Variants in MPDU1 observed in about 807,000 individuals in gnomAD.
The protein encoded by MPDU1 is mannose-P-dolichol utilization defect 1 protein.
Under a neutral mutation model 27.6 loss-of-function variants are expected in MPDU1, and 18 were observed. The observed-to-expected ratio is 0.65, with a 90% CI of 0.45 to 0.97. The LOEUF is 0.97. Ranked by LOEUF, MPDU1 falls within the 50% of genes least tolerant of loss-of-function variation. MPDU1 has a pLI of 0.00. For synonymous variants in MPDU1, 142 were observed against 131.1 expected, an observed-to-expected ratio of 1.08 and a Z score of -0.57; for missense variants, 279 against 297.4, an observed-to-expected ratio of 0.94 and a Z score of 0.46.
chr17:7,586,439 TAAA>T (rs59882896), intron 3 of MPDU1: 945 of 487,358 alleles, frequency 1.9e-3, no homozygotes, highest in Middle Eastern at 3.9e-3. Flanking sequence ...AACTCAGTCT[TAAA>T]AAAAAAAAAA....
At position 7,586,793 on chromosome 17, in the gene MPDU1, C is replaced by G. The variant is rs1042913255; in HGVS notation, c.388+16C>G. The stretch of plus-strand genomic sequence containing the variant: ...ACTGTGAAAGGTGCTGGGGACTTAC[C>G]CAAGAGCAGGCTGTGTGGTTCCTGG... On this transcript the variant is annotated intron_variant, in intron 4 of 6. Coordinates refer to ENST00000250124, the MANE Select transcript of MPDU1 (RefSeq NM_004870.4). 6.2e-7 allele frequency: 1 copy of G among 1,613,552 alleles called. No individual in the cohort carries two copies. The highest frequency in any genetic ancestry group is 1.3e-5 in the African/African-American group (1 of 74,968).
chr17:7,587,038 A>G, intron 5 of MPDU1, 21 bp downstream of exon 5: 1 of 1,468,228 alleles, frequency 6.8e-7, no homozygotes, highest in Non-Finnish European at 9.2e-7. Flanking sequence ...GGAGCAAGGG[A>G]CAAGATGTTG....
Position 7,583,887 on chromosome 17 carries a change from C to T in MPDU1, c.25C>T (p.Leu9Phe). 6.2e-7 allele frequency: 1 copy of T among 1,614,182 alleles called. No homozygotes were observed. The highest frequency in any genetic ancestry group is 1.3e-5 in the African/African-American group (1 of 75,072). Reference sequence around the variant, plus strand: ...TATGGCGGCCGAGGCGGACGGACCGCTTAAACGGCTGCTCGTGCCGATTCT... The same window carrying T: ...TATGGCGGCCGAGGCGGACGGACCGTTTAAACGGCTGCTCGTGCCGATTCT... Reference protein sequence around the residue: MAAEADGPLKRLLVPILLP... With the variant: MAAEADGPFKRLLVPILLP... Residue 9 changes from leucine (L) to phenylalanine (F), a missense_variant, in exon 1 of 7, where the codon CTT becomes TTT. By Grantham distance (22) the Leu-to-Phe change is conservative. Coordinates refer to ENST00000250124, the MANE Select transcript of MPDU1 (RefSeq NM_004870.4).
intron 1 of MPDU1, 133 bp from the exon 2 acceptor site, chr17:7,585,599 C>T (rs538666961): frequency 6.9e-5 from 56 of 811,722 alleles, no homozygotes; most frequent in South Asian, 8.8e-5. Flanking sequence ...CACTGCCCTC[C>T]GCCTCTCCTC....
At chr17:7,583,689 A>G, upstream of MPDU1, 2 of 790,754 alleles carry the variant, frequency 2.5e-6, no homozygotes, top group Non-Finnish European at 4.4e-6. Context: ...GTGGTCCCTG[A>G]CTGAGACTTA....
intron 3 of MPDU1, 43 bp from the exon 4 acceptor site, chr17:7,586,649 T>C (rs756433922): frequency 1.6e-5 from 26 of 1,582,826 alleles, no homozygotes; most frequent in Non-Finnish European, 2.2e-5. Flanking sequence ...TCCCTGCCTC[T>C]TTCTAGGCCC....
intron 1 of MPDU1, chr17:7,584,305 C>T (rs1050360124): frequency 5.5e-6 from 3 of 544,722 alleles, no homozygotes; most frequent in Non-Finnish European, 9.8e-6. Flanking sequence ...ATTCAAAGCC[C>T]CTGATGAATC....
chr17:7,584,076 G>A, intron 1 of MPDU1, 111 bp downstream of exon 1: 1 of 1,094,636 alleles, frequency 9.1e-7, no homozygotes, highest in Non-Finnish European at 1.4e-6. Context: ...ATGCCGAGCT[G>A]GACGGAAGTC....
At chr17:7,585,588 T>G in intron 1 of MPDU1, 144 bp from the exon 2 acceptor site, 1 of 725,866 alleles carries the variant, frequency 1.4e-6, no homozygotes, top group South Asian at 1.6e-5. Context: ...CAGGACTTTC[T>G]CACTGCCCTC....
At chr17:7,586,869 T>C (rs761492955) in intron 4 of MPDU1, 30 bp from the exon 5 acceptor site, 2 of 1,611,856 alleles carry the variant, frequency 1.2e-6, no homozygotes, top group Non-Finnish European at 1.7e-6. Flanking sequence ...GTGGAGAGAT[T>C]GACAAGGACT....
Position 7,586,961 on chromosome 17 carries a change from T to C in MPDU1, c.451T>C (p.Leu151=), listed in dbSNP as rs1240239877. 2 of 1,613,570 alleles carry C rather than the reference T, an allele frequency of 1.2e-6. No homozygotes were observed. The highest frequency in any genetic ancestry group is 2.7e-5 in the African/African-American group (2 of 74,702). ...GGTGCTTCTCTCACCTCTGACGCCC[T>C]TGACTGTAGTCACCCTGCTCCAGGC... The part of the protein sequence containing the change: ...LLVLLSPLTP[L]TVVTLLQASN... Residue 151 remains leucine (L), a synonymous_variant, in exon 5 of 7, where the codon TTG becomes CTG. Transcript: ENST00000250124.
intron 1 of MPDU1, among the ~76,000 whole-genome samples, chr17:7,585,463 A>C (rs1457049561): frequency 6.6e-6 from 1 of 151,594 alleles, no homozygotes; most frequent in African/African-American, 2.4e-5. Context: ...CTTGAACCCA[A>C]GAGGCAGAGG....
intron 6 of MPDU1, 21 bp downstream of exon 6, chr17:7,587,292 C>T: frequency 6.2e-7 from 1 of 1,612,992 alleles, no homozygotes; most frequent in Non-Finnish European, 8.5e-7. Flanking sequence ...CATCTTCCTT[C>T]TAGAAGGCAC....
In MPDU1 at chr17:7,588,138, G is replaced by T; in HGVS notation, c.*587G>T. On this transcript the variant is annotated 3_prime_UTR_variant, in exon 7 of 7. Transcript: ENST00000250124. The stretch of plus-strand genomic sequence containing the variant: ...GGAGATGGGGCTGGTTCCTGCTGCA[G>T]TGAGGGGAACAGATGGGACAATAAA... 1.5e-6 allele frequency: 1 copy of T among 657,782 alleles called. No individual in the cohort carries two copies. The highest frequency in any genetic ancestry group is 2.8e-6 in the Non-Finnish European group (1 of 357,336). 40.7% of individuals were successfully genotyped at this position (657,782 alleles called of 1,614,324 possible).
rs958735713 is a variant in MPDU1, at chr17:7,588,109, G to C, written c.*558G>C. The stretch of plus-strand genomic sequence containing the variant: ...TGCTCTGGCAGGTCTAGGCGGAAGG[G>C]AGTGGAGATGGGGCTGGTTCCTGCT... On this transcript the variant is annotated 3_prime_UTR_variant, in exon 7 of 7. Coordinates refer to ENST00000250124, the MANE Select transcript of MPDU1 (RefSeq NM_004870.4). The C allele has an allele frequency of 4.9e-6, 3 of 615,968 alleles. No individual in the cohort carries two copies. Among genetic ancestry groups the C allele is most frequent in the Non-Finnish European group, 9.1e-6 (3 of 331,280 alleles). The allele number at this position is 615,968 out of a possible 1,614,324, so 38.2% of individuals were successfully genotyped here. A position where few individuals can be genotyped will look rare whatever the true frequency, so the allele number is the denominator to read the frequency against.
chr17:7,583,861 A>G lies in MPDU1; in HGVS notation c.-2A>G. 1.9e-6 allele frequency: 3 copies of G among 1,614,122 alleles called. No individual in the cohort carries two copies. Among genetic ancestry groups the G allele is most frequent in the Non-Finnish European group, 2.5e-6 (3 of 1,180,002 alleles). On this transcript the variant is annotated 5_prime_UTR_variant, in exon 1 of 7. Transcript: ENST00000250124. ...GAGACTGGCGGAAGCTAGCTTTGCA[A>G]TATGGCGGCCGAGGCGGACGGACCG...
Position 7,587,434 on chromosome 17 carries a change from A to G in MPDU1, c.627A>G (p.Gly209=). The change falls in exon 7 of 7, where the codon GGA becomes GGG. Residue 209 remains glycine, a synonymous_variant. Transcript: ENST00000250124. Reference sequence around the variant, plus strand: ...CTGTCTCTTGCAACCAGGAAACCGGAGATCCCCTGATGGCTGGGACCTTTG... The same window carrying G: ...CTGTCTCTTGCAACCAGGAAACCGGGGATCCCCTGATGGCTGGGACCTTTG... ...ARIFTSIQET[G]DPLMAGTFVV... 1 of 1,613,964 alleles carries G rather than the reference A, an allele frequency of 6.2e-7. No homozygotes were observed. Among genetic ancestry groups the G allele is most frequent in the African/African-American group, 1.3e-5 (1 of 74,976 alleles).
chr17:7,587,067 G>GGGGCA, intron 5 of MPDU1, 50 bp downstream of exon 5: 7 of 1,041,294 alleles, frequency 6.7e-6, no homozygotes, highest in Non-Finnish European at 7.2e-6. Flanking sequence ...GGGTGGGGGG[G>GGGGCA]AAGAGTAGAA....
chr17:7,585,814 T>A lies in MPDU1; in HGVS notation c.169+17T>A, dbSNP rs370606281. The stretch of plus-strand genomic sequence containing the variant: ...CACTTCTAGGTATGTCTCTTATCTT[T>A]CTTTCCAGCTGTTGGGTTGGGGTGG... On this transcript the variant is annotated intron_variant, in intron 2 of 6. Transcript: ENST00000250124. The A allele has an allele frequency of 7.4e-6, 12 of 1,613,914 alleles. No homozygotes were observed. In the African/African-American group the frequency reaches 1.3e-4, roughly 18 times the overall value.
Sources: gnomAD v4.1 joint callset for allele counts (sites outside exome capture counted in the v4.1 genomes callset) on GRCh38, gnomAD v4.1.1 for gene constraint, MANE v1.5 for transcripts, NCBI Gene and HGNC (gene_info 2026-07-23, HGNC 2026-07-21) for gene names.